Variants in MDGA2 observed in about 807,000 individuals in gnomAD.
The protein encoded by MDGA2 is MAM domain-containing glycosylphosphatidylinositol anchor protein 2.
Under a neutral mutation model 117.8 loss-of-function variants are expected in MDGA2, and 40 were observed. The ratio of observed to expected loss-of-function variants is 0.34; its 90% CI spans 0.26 to 0.44. The LOEUF (loss-of-function observed/expected upper bound fraction) is 0.44. Among genes scored for constraint, MDGA2 ranks in the 20% least tolerant of loss-of-function variants. The pLI is 1.00. For synonymous variants in MDGA2, 452 were observed against 439.0 expected (o/e 1.03, Z -0.37); for missense variants, 1,123 against 1,250.6 (o/e 0.90, Z 1.54).
At chr14:47,016,059 G>A (rs1023946362) in intron 8 of MDGA2, among the ~76,000 whole-genome samples, 13 of 151,918 alleles carry the variant, frequency 8.6e-5, no homozygotes, top group African/African-American at 3.1e-4. Context: ...TAGAATACAG[G>A]CAAAAATATA....
intron 6 of MDGA2, among the ~76,000 whole-genome samples, chr14:47,070,618 T>C (rs1325669352): frequency 6.6e-6 from 1 of 152,162 alleles, no homozygotes; most frequent in Non-Finnish European, 1.5e-5. Flanking sequence ...TATTTATTTA[T>C]TTATTTTTAC....
chr14:46,929,859 A>C (rs975425560), intron 9 of MDGA2, among the ~76,000 whole-genome samples: 1 of 148,650 alleles, frequency 6.7e-6, no homozygotes, highest in Non-Finnish European at 1.5e-5. Context: ...CTGGTCTGGA[A>C]CTCCTGACCT....
At chr14:47,669,140 C>T (rs1446510699) in intron 1 of MDGA2, among the ~76,000 whole-genome samples, 5 of 152,214 alleles carry the variant, frequency 3.3e-5, no homozygotes, top group African/African-American at 9.6e-5. Context: ...GTACAGAGCA[C>T]ATCCTTGCAG....
At chr14:47,183,326 T>C (rs962122239) in intron 3 of MDGA2, among the ~76,000 whole-genome samples, 4 of 152,110 alleles carry the variant, frequency 2.6e-5, no homozygotes, top group Admixed American at 2.0e-4. Context: ...CATCATCTCT[T>C]ACATTACAAG....
intron 1 of MDGA2, among the ~76,000 whole-genome samples, chr14:47,328,385 G>A (rs988833954): frequency 4.6e-5 from 7 of 152,112 alleles, no homozygotes; most frequent in African/African-American, 1.4e-4. Flanking sequence ...GAAGTGTTTG[G>A]AGAAGAAAAC....
chr14:46,905,891 G>T (rs1362586496), intron 10 of MDGA2, among the ~76,000 whole-genome samples: 1 of 151,966 alleles, frequency 6.6e-6, no homozygotes, highest in Admixed American at 6.6e-5. Flanking sequence ...ATCCCTGAGG[G>T]TCAACAGGTA....
intron 2 of MDGA2, among the ~76,000 whole-genome samples, chr14:47,290,287 C>T (rs996739976): frequency 6.6e-6 from 1 of 151,754 alleles, no homozygotes; most frequent in African/African-American, 2.4e-5. Context: ...AAAAGGAGAC[C>T]CTAGAGAGCT....
intron 2 of MDGA2, among the ~76,000 whole-genome samples, chr14:47,280,146 C>T (rs1296078412): frequency 6.6e-6 from 1 of 151,626 alleles, no homozygotes; most frequent in African/African-American, 2.4e-5. Context: ...GAAACCCCGT[C>T]TCTATTAAAA....
intron 2 of MDGA2, among the ~76,000 whole-genome samples, chr14:47,225,736 G>A (rs147047952): frequency 0.066 from 9,965 of 151,316 alleles, 368 homozygotes; most frequent in Non-Finnish European, 0.063. Flanking sequence ...TGGGTGCAGC[G>A]CACCAGCATG....
intron 14 of MDGA2, among the ~76,000 whole-genome samples, chr14:46,869,622 C>G (rs1004100411): frequency 6.6e-6 from 1 of 151,818 alleles, no homozygotes; most frequent in Non-Finnish European, 1.5e-5. Flanking sequence ...AACCTAGGTC[C>G]TAGCATGAAC....
chr14:47,127,798 A>C (rs1390961440), intron 5 of MDGA2, among the ~76,000 whole-genome samples: 1 of 152,058 alleles, frequency 6.6e-6, no homozygotes, highest in African/African-American at 2.4e-5. Flanking sequence ...TTCTAAGCCA[A>C]ATTTTTTTTT....
chr14:47,375,965 CA>C (rs1891469480), intron 1 of MDGA2, among the ~76,000 whole-genome samples: 1 of 152,094 alleles, frequency 6.6e-6, no homozygotes, highest in Non-Finnish European at 1.5e-5. Flanking sequence ...TCCACCCAAT[CA>C]GCCAATGATA....
chr14:47,473,870 T>C (rs911948979), intron 1 of MDGA2, among the ~76,000 whole-genome samples: 1 of 152,126 alleles, frequency 6.6e-6, no homozygotes, highest in African/African-American at 2.4e-5. Flanking sequence ...CCATAACCAA[T>C]ATCATACTGA....
chr14:47,060,006 CTGTG>C (rs1423848100), intron 7 of MDGA2, among the ~76,000 whole-genome samples: 1 of 152,094 alleles, frequency 6.6e-6, no homozygotes, highest in African/African-American at 2.4e-5. Context: ...TGATAACTGA[CTGTG>C]TGTATCAACA....
intron 1 of MDGA2, among the ~76,000 whole-genome samples, chr14:47,513,065 T>C (rs1224739133): frequency 1.3e-5 from 2 of 152,096 alleles, no homozygotes; most frequent in African/African-American, 4.8e-5. Context: ...ATATAGTCAT[T>C]CCATGTCAAT....
intron 1 of MDGA2, among the ~76,000 whole-genome samples, chr14:47,598,204 A>G (rs1253603609): frequency 6.6e-6 from 1 of 152,210 alleles, no homozygotes; most frequent in African/African-American, 2.4e-5. Flanking sequence ...GAAAAATTGC[A>G]ATCCTTATGT....
intron 1 of MDGA2, among the ~76,000 whole-genome samples, chr14:47,516,651 C>A (rs1815578412): frequency 6.6e-6 from 1 of 152,116 alleles, no homozygotes; most frequent in East Asian, 1.9e-4. Context: ...ACTTCAGCTG[C>A]CATGTGGGAA....
At chr14:47,487,562 C>G (rs1566481168) in intron 1 of MDGA2, among the ~76,000 whole-genome samples, 1 of 152,106 alleles carries the variant, frequency 6.6e-6, no homozygotes, top group African/African-American at 2.4e-5. Flanking sequence ...TATTAATATT[C>G]AATATTCCTA....
intron 3 of MDGA2, among the ~76,000 whole-genome samples, chr14:47,157,522 C>G (rs1380114195): frequency 6.6e-6 from 1 of 151,910 alleles, no homozygotes; most frequent in Non-Finnish European, 1.5e-5. Context: ...TTACCTCTTC[C>G]TCACTCATTT....
Sources: gnomAD v4.1 joint callset for allele counts (sites outside exome capture counted in the v4.1 genomes callset) on GRCh38, gnomAD v4.1.1 for gene constraint, MANE v1.5 for transcripts, NCBI Gene and HGNC (gene_info 2026-07-23, HGNC 2026-07-21) for gene names.